Variants in KRT82 observed in about 807,000 individuals in gnomAD.
The protein encoded by KRT82 is keratin 82, also known as keratin, type II cuticular Hb2.
Under a neutral mutation model 48.0 loss-of-function variants are expected in KRT82, and 44 were observed. That is an observed-to-expected ratio of 0.92 (90% CI 0.72 to 1.18). The LOEUF (loss-of-function observed/expected upper bound fraction) is 1.18. Among genes scored for constraint, KRT82 ranks in the 50% most tolerant of loss-of-function variants. The probability of loss-of-function intolerance (pLI) is 0.00; values close to 1 mark genes in which losing one functional copy is unlikely to be tolerated. For missense variants in KRT82, 701 were observed against 671.4 expected, an observed-to-expected ratio of 1.04 and a Z score of -0.49; for synonymous variants, 297 against 278.3, an observed-to-expected ratio of 1.07 and a Z score of -0.67.
Position 52,396,956 on chromosome 12 carries a change from CG to C in KRT82, c.994del (p.Arg332ValfsTer8). On this transcript the variant is annotated frameshift_variant, in exon 6 of 9. Transcript: ENST00000257974. LOFTEE classifies it high-confidence loss of function. ...AGNHCDNLRN[R>X]KNEILEMNKL... is the part of the protein sequence containing the mutation. ...ATTCATTTCCAGGATCTCGTTCTTA[CG>C]GTTGCGGAGGTTGTCACAGTGGTTC... 6.2e-7 allele frequency: 1 copy of C among 1,614,046 alleles called. No homozygotes were observed. Among genetic ancestry groups the C allele is most frequent in the Non-Finnish European group, 8.5e-7 (1 of 1,179,994 alleles).
Position 52,406,208 on chromosome 12 carries a change from T to C in KRT82, c.70A>G (p.Met24Val), listed in dbSNP as rs766171227. ...SQSFSSYSAV[M>V]PRMVTHYAVS... is the part of the protein sequence containing the mutation. ...GCATAGTGGGTGACCATCCGGGGCATGACAGCCGAGTATGAGCTGAAACTC... is the reference window on the plus strand; with the variant it reads ...GCATAGTGGGTGACCATCCGGGGCACGACAGCCGAGTATGAGCTGAAACTC... The change falls in exon 1 of 9, where the codon ATG becomes GTG. Residue 24 changes from methionine (M) to valine (V), a missense_variant. Coordinates refer to ENST00000257974, the MANE Select transcript of KRT82 (RefSeq NM_033033.4). 3.7e-5 allele frequency: 59 copies of C among 1,613,136 alleles called. No individual in the cohort carries two copies. Among genetic ancestry groups the C allele is most frequent in the Non-Finnish European group, 4.7e-5 (56 of 1,179,714 alleles).
intron 2 of KRT82, among the ~76,000 whole-genome samples, chr12:52,403,383 C>A (rs1939813332): frequency 6.6e-6 from 1 of 152,170 alleles, no homozygotes; most frequent in Admixed American, 6.5e-5. Context: ...AGTTCAGGAT[C>A]TGCAAAGGCA....
chr12:52,400,209 G>A, intron 4 of KRT82, 60 bp from the exon 5 acceptor site: 1 of 1,536,206 alleles, frequency 6.5e-7, no homozygotes, highest in Non-Finnish European at 8.9e-7. Flanking sequence ...GACAGGAGAA[G>A]GGGAGAACCC....
intron 4 of KRT82, 121 bp from the exon 5 acceptor site, chr12:52,400,270 G>A: frequency 1.9e-6 from 2 of 1,055,984 alleles, no homozygotes; most frequent in East Asian, 5.1e-5. Flanking sequence ...TGGCTGTTCT[G>A]GGCTTCAGTC....
rs755980332 is a variant in KRT82, at chr12:52,401,270, C to G, written c.681+19G>C. 2.5e-6 allele frequency: 4 copies of G among 1,613,078 alleles called. No individual in the cohort carries two copies. In the East Asian group the frequency reaches 6.7e-5, roughly 27 times the overall value. On this transcript the variant is annotated intron_variant, in intron 3 of 8. Transcript: ENST00000257974. ...GCAGGCCAGCTCAGGGGCTCTGCCT[C>G]TCTGAGCTTCCTCCTTACCTTCTTC... is the stretch of plus-strand genomic sequence containing the variant.
chr12:52,405,073 G>A (rs1289810390), intron 1 of KRT82, among the ~76,000 whole-genome samples: 1 of 152,194 alleles, frequency 6.6e-6, no homozygotes, highest in Non-Finnish European at 1.5e-5. Context: ...CTGGGGCGTG[G>A]GATGGACCCA....
intron 3 of KRT82, 49 bp downstream of exon 3, chr12:52,401,240 G>T: frequency 6.6e-7 from 1 of 1,517,936 alleles, no homozygotes; most frequent in South Asian, 1.1e-5. Flanking sequence ...GTGGCCTGGG[G>T]CAACGCAGGC....
rs1180137073 is a variant in KRT82 at position 52,401,345 on chromosome 12, C to T, written c.625G>A (p.Glu209Lys). 5.6e-6 allele frequency: 9 copies of T among 1,613,874 alleles called. No homozygotes were observed. Among genetic ancestry groups the T allele is most frequent in the African/African-American group, 1.3e-5 (1 of 74,888 alleles). Residue 209 changes from glutamate to lysine, a missense_variant, in exon 3 of 9, where the codon GAA (glutamate) becomes AAA (lysine). Physicochemically the swap from Glu to Lys is moderately conservative, Grantham distance 56 (BLOSUM62 1). Coordinates refer to ENST00000257974, the MANE Select transcript of KRT82 (RefSeq NM_033033.4). ...CAGGGACGCAGGGAGAGCTCCTCTT[C>T]GTATCTGATGGAAAAGGCAGGAAAA... ...AALEGYKKKY[E>K]EELSLRPCVE... is the part of the protein sequence containing the mutation.
chr12:52,398,417 T>C (rs1011868210), intron 5 of KRT82, among the ~76,000 whole-genome samples: 9 of 152,062 alleles, frequency 5.9e-5, no homozygotes, highest in Non-Finnish European at 1.2e-4. Context: ...AATCTCTGTG[T>C]CATCCTGGGC....
chr12:52,400,460 C>T, intron 4 of KRT82, 67 bp downstream of exon 4: 2 of 1,242,384 alleles, frequency 1.6e-6, no homozygotes, highest in Non-Finnish European at 2.4e-6. Context: ...TGGGCGGCCA[C>T]TCTGCTGCCC....
Position 52,400,631 on chromosome 12 carries a change from G to A in KRT82, c.682-9C>T. ...AAGGCTGTGTCCACGTCCTGCAGCA[G>A]AGCAGGGACAGAATGTGACCTGGCT... On this transcript the variant is annotated splice_polypyrimidine_tract_variant and intron_variant, in intron 3 of 8. Coordinates refer to ENST00000257974, the MANE Select transcript of KRT82 (RefSeq NM_033033.4). The A allele has an allele frequency of 6.2e-7, 1 of 1,604,636 alleles. No individual in the cohort carries two copies. Among genetic ancestry groups the A allele is most frequent in the Non-Finnish European group, 8.5e-7 (1 of 1,171,640 alleles).
At chr12:52,401,552 C>T (rs900417435) in intron 2 of KRT82, among the ~76,000 whole-genome samples, 4 of 152,150 alleles carry the variant, frequency 2.6e-5, no homozygotes, top group African/African-American at 9.7e-5. Context: ...TACTCTTCTC[C>T]CCATTCCTCA....
chr12:52,395,427 G>A (rs1939699961), intron 8 of KRT82, among the ~76,000 whole-genome samples: 1 of 152,136 alleles, frequency 6.6e-6, no homozygotes, highest in Admixed American at 6.5e-5. Flanking sequence ...GCTGGATTCA[G>A]CTTCACCATT....
In KRT82 at chr12:52,406,072, G is replaced by T; in HGVS notation, c.206C>A (p.Ser69Tyr). The T allele has an allele frequency of 6.2e-7, 1 of 1,613,820 alleles. No homozygotes were observed. The highest frequency in any genetic ancestry group is 1.1e-5 in the South Asian group (1 of 91,080). Residue 69 changes from serine (S) to tyrosine (Y), a missense_variant, in exon 1 of 9, where the codon TCC (serine) becomes TAC (tyrosine). Ser to Tyr is a moderately radical substitution (Grantham distance 144). Coordinates refer to ENST00000257974, the MANE Select transcript of KRT82 (RefSeq NM_033033.4). The part of the protein sequence containing the change: ...NVGFGRPRVA[S>Y]RCGGTLPGFG... ...GCCAGGCAGGGTACCTCCACACCTGGAGGCTACCCGGGGCCTCCCAAAGCC... is the reference window on the plus strand; with the variant it reads ...GCCAGGCAGGGTACCTCCACACCTGTAGGCTACCCGGGGCCTCCCAAAGCC...
In KRT82 at chr12:52,406,285, G is replaced by C; in HGVS notation, c.-8C>G. The C allele has an allele frequency of 6.4e-7, 1 of 1,567,188 alleles. No homozygotes were observed. The highest frequency in any genetic ancestry group is 8.7e-7 in the Non-Finnish European group (1 of 1,155,472). ...GAAAGAGTGGTACGACATGGCAGGA[G>C]AGAGAGGCAGAGAAATGCGGCCCTG... On this transcript the variant is annotated 5_prime_UTR_variant, in exon 1 of 9. Transcript: ENST00000257974.
chr12:52,403,679 G>A, intron 2 of KRT82, 22 bp downstream of exon 2: 15 of 1,434,406 alleles, frequency 1.0e-5, no homozygotes, highest in Non-Finnish European at 1.5e-5. Context: ...CCACCAGTGG[G>A]GTAAAAGCAG....
chr12:52,398,398 A>T (rs1240369724), intron 5 of KRT82, among the ~76,000 whole-genome samples: 1 of 152,064 alleles, frequency 6.6e-6, no homozygotes, highest in East Asian at 1.9e-4. Flanking sequence ...GTCCCTGATG[A>T]TGTCACAGAA....
Position 52,400,149 on chromosome 12 carries a change from C to T in KRT82, c.778G>A (p.Glu260Lys). Residue 260 changes from glutamate to lysine, a missense_variant and splice_region_variant, in exon 5 of 9, where the codon GAG becomes AAG. Transcript: ENST00000257974. The part of the protein sequence containing the change: ...IDFLKSLYEE[E>K]ICLLQSQISE... ...ATCTGAGACTGGAGCAGGCAGATCT[C>T]CTGGGGGCAGGGCCCATGTGAGAAG... 6.2e-7 allele frequency: 1 copy of T among 1,612,490 alleles called. No homozygotes were observed. The highest frequency in any genetic ancestry group is 1.3e-5 in the African/African-American group (1 of 75,024).
At position 52,406,145 on chromosome 12, in the gene KRT82, C is replaced by T; in HGVS notation, c.133G>A (p.Gly45Ser). ...CCAAGGCAGCCCAGAGCTCGGAGGC[C>T]CCTACCACCCCCGGGCCGGCATGGC... Reference protein sequence around the residue: ...KGPCRPGGGRGLRALGCLGSR... With the variant: ...KGPCRPGGGRSLRALGCLGSR... The change falls in exon 1 of 9, where the codon GGC (glycine) becomes AGC (serine). Residue 45 changes from glycine to serine, a missense_variant. Transcript: ENST00000257974. The T allele has an allele frequency of 1.9e-6, 3 of 1,613,062 alleles. No individual in the cohort carries two copies. Among genetic ancestry groups the T allele is most frequent in the Non-Finnish European group, 2.5e-6 (3 of 1,179,826 alleles).
Sources: gnomAD v4.1 joint callset for allele counts (sites outside exome capture counted in the v4.1 genomes callset) on GRCh38, gnomAD v4.1.1 for gene constraint, MANE v1.5 for transcripts, NCBI Gene and HGNC (gene_info 2026-07-23, HGNC 2026-07-21) for gene names.